Variants in AFF2 observed in about 807,000 individuals in gnomAD.
The protein encoded by AFF2 is AF4/FMR2 family member 2.
AFF2 carries 14 observed loss-of-function variants against 76.9 expected under a neutral mutation model. The ratio of observed to expected loss-of-function variants is 0.18; its 90% CI spans 0.12 to 0.28. AFF2 has a LOEUF of 0.28. AFF2 is among the 10% of genes least tolerant of loss of function. AFF2 has a pLI of 1.00. For missense variants in AFF2, 868 were observed against 1,001.1 expected, an observed-to-expected ratio of 0.87 and a Z score of 1.79; for synonymous variants, 398 against 366.7, an observed-to-expected ratio of 1.09 and a Z score of -0.98.
intron 1 of AFF2, among the ~76,000 whole-genome samples, chrX:148,580,137 T>C (rs1002059310): frequency 5.4e-5 from 6 of 111,606 alleles, no homozygotes; most frequent in Non-Finnish European, 1.1e-4. Flanking sequence ...GTGGAACTAG[T>C]ACTTTAATAC....
chrX:148,930,376 G>T (rs1603342106), intron 9 of AFF2, among the ~76,000 whole-genome samples: 1 of 111,939 alleles, frequency 8.9e-6, no homozygotes. Context: ...CCCTGGTGGG[G>T]GCTGAAGTTG....
At position 148,579,628 on chromosome X, in the gene AFF2, G is replaced by A. The variant is rs782748747; in HGVS notation, c.48-72371G>A. 5.4e-5 allele frequency among the ~76,000 whole-genome samples: 6 copies of A among 111,517 alleles called. No individual in the cohort carries two copies. The South Asian group carries it at 1.1e-3, about 21-fold the overall frequency. On this transcript the variant is annotated intron_variant, in intron 1 of 20. Coordinates refer to ENST00000370460, the MANE Select transcript of AFF2 (RefSeq NM_002025.4). ...TTGTTTTATTAAATATAGTAGTATCGAAAGAATATTTTGTTGCTCAAAGAC... is the reference window on the plus strand; with the variant it reads ...TTGTTTTATTAAATATAGTAGTATCAAAAGAATATTTTGTTGCTCAAAGAC...
intron 8 of AFF2, among the ~76,000 whole-genome samples, chrX:148,898,340 G>A (rs2071317619): frequency 8.9e-6 from 1 of 112,362 alleles, no homozygotes. Context: ...GAAGGATTAT[G>A]ACAATGAGAG....
chrX:148,768,284 C>A lies in AFF2; in HGVS notation c.1042-41592C>A, dbSNP rs1440887016. Among the ~76,000 whole-genome samples the A allele has an allele frequency of 3.7e-5, 4 of 109,418 alleles. No homozygotes were observed. The Admixed American group carries it at 4.0e-4, about 11-fold the overall frequency. On this transcript the variant is annotated intron_variant, in intron 3 of 20. Coordinates refer to ENST00000370460, the MANE Select transcript of AFF2 (RefSeq NM_002025.4). ...TTCTTATGGCTACTATGGCATCTAT[C>A]ACGCTGTAATATAGTGATCTCGTCA...
intron 8 of AFF2, among the ~76,000 whole-genome samples, chrX:148,901,204 A>G (rs2124197817): frequency 8.9e-6 from 1 of 111,755 alleles, no homozygotes. Flanking sequence ...CAGGTTTTTA[A>G]CATTTCTGGC....
rs781933099 is a variant in AFF2 at position 148,895,136 on chromosome X, C to T, written c.1360-9085C>T. 3.6e-5 allele frequency among the ~76,000 whole-genome samples: 4 copies of T among 111,138 alleles called. No homozygotes were observed. The South Asian group carries it at 1.1e-3, about 32-fold the overall frequency. ...TCTCCCTGTAGCCTTTTCCGAGTGC[C>T]TCTAGCAGCCCTCCTAAAGGACCTC... On this transcript the variant is annotated intron_variant, in intron 8 of 20. Coordinates refer to ENST00000370460, the MANE Select transcript of AFF2 (RefSeq NM_002025.4).
chrX:148,896,157 T>A (rs1405027269), intron 8 of AFF2, among the ~76,000 whole-genome samples: 1 of 111,119 alleles, frequency 9.0e-6, no homozygotes, highest in East Asian at 2.8e-4. Flanking sequence ...AGAAACAACG[T>A]GCTAGATACA....
At chrX:148,796,853 T>C (rs1557270530) in intron 3 of AFF2, among the ~76,000 whole-genome samples, 1 of 112,532 alleles carries the variant, frequency 8.9e-6, no homozygotes, top group African/African-American at 3.2e-5. Context: ...ATCGATTATA[T>C]TTTCACTACC....
intron 1 of AFF2, among the ~76,000 whole-genome samples, chrX:148,629,266 C>T (rs1304284239): frequency 1.8e-5 from 2 of 111,132 alleles, no homozygotes; most frequent in Non-Finnish European, 3.8e-5. Flanking sequence ...ATATTATGTG[C>T]TTCTAATATT....
chrX:148,783,025 G>C (rs1445502188), intron 3 of AFF2, among the ~76,000 whole-genome samples: 1 of 111,871 alleles, frequency 8.9e-6, no homozygotes, highest in African/African-American at 3.2e-5. Context: ...GACGATCCTT[G>C]CTCCAGCCTT....
chrX:148,763,946 T>C (rs2069482238), intron 3 of AFF2, among the ~76,000 whole-genome samples: 1 of 112,367 alleles, frequency 8.9e-6, no homozygotes, highest in South Asian at 3.7e-4. Flanking sequence ...GCAATGACTT[T>C]TAGAGACTTC....
intron 2 of AFF2, among the ~76,000 whole-genome samples, chrX:148,661,329 A>G: frequency 8.9e-6 from 1 of 112,555 alleles, no homozygotes; most frequent in South Asian, 3.6e-4. Context: ...CTTTGATTAG[A>G]AGGAATCAGA....
At chrX:148,506,171 C>T (rs1257620865) in intron 1 of AFF2, among the ~76,000 whole-genome samples, 2 of 111,676 alleles carry the variant, frequency 1.8e-5, no homozygotes, top group African/African-American at 3.3e-5. Flanking sequence ...GGTACTCACT[C>T]AGTGATGCAA....
Position 148,766,531 on chromosome X carries a change from C to T in AFF2, c.1042-43345C>T, listed in dbSNP as rs782516291. Among the ~76,000 whole-genome samples, 933 of 104,469 alleles carry T rather than the reference C, an allele frequency of 8.9e-3. 31 individuals carry two copies. The highest frequency in any genetic ancestry group is 0.08 in the Admixed American group (762 of 9,511). 90.7% of individuals were successfully genotyped at this position (104,469 alleles called of 115,157 possible). ...TTGAGAAGTGTCTGTTCATGTCCTT[C>T]GCCCACTTTTTGATGGGGTTGTTTG... On this transcript the variant is annotated intron_variant, in intron 3 of 20. Coordinates refer to ENST00000370460, the MANE Select transcript of AFF2 (RefSeq NM_002025.4).
At chrX:148,520,490 G>T (rs2052583359) in intron 1 of AFF2, among the ~76,000 whole-genome samples, 1 of 111,605 alleles carries the variant, frequency 9.0e-6, no homozygotes, top group African/African-American at 3.3e-5. Flanking sequence ...CCACGTTTTT[G>T]TGCTGGCGTA....
chrX:148,728,444 C>T (rs1557264415), intron 3 of AFF2, among the ~76,000 whole-genome samples: 1 of 112,178 alleles, frequency 8.9e-6, no homozygotes, highest in Non-Finnish European at 1.9e-5. Context: ...TTGGACTTGG[C>T]ACAAATTAGT....
chrX:148,605,280 T>C (rs2053662446), intron 1 of AFF2, among the ~76,000 whole-genome samples: 1 of 112,028 alleles, frequency 8.9e-6, no homozygotes, highest in Non-Finnish European at 1.9e-5. Flanking sequence ...GAATATACGA[T>C]AATGAGCTTA....
At chrX:148,751,672 C>G (rs1244389290) in intron 3 of AFF2, among the ~76,000 whole-genome samples, 1 of 111,573 alleles carries the variant, frequency 9.0e-6, no homozygotes, top group East Asian at 2.8e-4. Context: ...ATTAGAAAGC[C>G]CATCTTGTCC....
chrX:148,511,046 A>C (rs1182569700), intron 1 of AFF2, among the ~76,000 whole-genome samples: 1 of 111,655 alleles, frequency 9.0e-6, no homozygotes, highest in Non-Finnish European at 1.9e-5. Flanking sequence ...TTATAAATTA[A>C]ATGTTCTTTA....
Sources: gnomAD v4.1 joint callset for allele counts (sites outside exome capture counted in the v4.1 genomes callset) on GRCh38, gnomAD v4.1.1 for gene constraint, MANE v1.5 for transcripts, NCBI Gene and HGNC (gene_info 2026-07-23, HGNC 2026-07-21) for gene names.